The following ADAMTS6 variants were observed in gnomAD, a reference collection of about 807,000 sequenced individuals.
The protein encoded by ADAMTS6 is A disintegrin and metalloproteinase with thrombospondin motifs 6.
A neutral mutation model predicts 144.3 loss-of-function variants in ADAMTS6; 23 were observed. That is an observed-to-expected ratio of 0.16 (90% confidence interval 0.11 to 0.23). The LOEUF is 0.23. Ranked by LOEUF, ADAMTS6 falls within the 10% of genes least tolerant of loss-of-function variation. The pLI is 1.00. For synonymous variants in ADAMTS6, 444 were observed against 457.5 expected (o/e 0.97, Z 0.38); for missense variants, 999 against 1,379.6 (o/e 0.72, Z 4.37).
intron 21 of ADAMTS6, among the ~76,000 whole-genome samples, chr5:65,196,522 CAAAAAAAAAAAAAAAAA>C (rs533444182): frequency 1.1e-4 from 4 of 38,036 alleles, no homozygotes; most frequent in South Asian, 1.6e-3. Flanking sequence ...GACTCCGTCT[CAAAAAAAAAAAAAAAAA>C]AAAAAAAAAA....
intron 7 of ADAMTS6, among the ~76,000 whole-genome samples, chr5:65,336,360 TA>T (rs1747309160): frequency 6.6e-6 from 1 of 152,092 alleles, no homozygotes; most frequent in Non-Finnish European, 1.5e-5. Flanking sequence ...TAATGAATGT[TA>T]AAAATGTGTT....
chr5:65,287,855 A>G (rs1042752152), intron 11 of ADAMTS6, among the ~76,000 whole-genome samples: 3 of 152,062 alleles, frequency 2.0e-5, no homozygotes, highest in African/African-American at 7.2e-5. Flanking sequence ...TATCAACTCA[A>G]TCTGAAGTAG....
chr5:65,210,962 CA>C lies in ADAMTS6; in HGVS notation c.2575+3831del, dbSNP rs1484857065. 14 of 191,304 alleles carry C rather than the reference CA, an allele frequency of 7.3e-5. No individual in the cohort carries two copies. The East Asian group carries it at 1.6e-3, about 22-fold the overall frequency. 11.9% of individuals were successfully genotyped at this position (191,304 alleles called of 1,614,324 possible). ...ATAAAGACAATAGACTTAATGACAG[CA>C]AAAACAAAAACAAAAACAAAAAACC... On this transcript the variant is annotated intron_variant, in intron 20 of 24. Transcript: ENST00000381055.
chr5:65,458,203 G>A (rs886534241), intron 4 of ADAMTS6, among the ~76,000 whole-genome samples: 1 of 152,092 alleles, frequency 6.6e-6, no homozygotes, highest in Non-Finnish European at 1.5e-5. Flanking sequence ...TAGATTCACT[G>A]TAAGTTGTCT....
intron 12 of ADAMTS6, among the ~76,000 whole-genome samples, chr5:65,269,015 T>G (rs746665260): frequency 1.2e-4 from 18 of 152,044 alleles, no homozygotes; most frequent in Non-Finnish European, 2.9e-5. Context: ...CTGGTGAGAG[T>G]AGTTTTGAAA....
At chr5:65,201,735 T>C (rs1755752027) in intron 20 of ADAMTS6, among the ~76,000 whole-genome samples, 1 of 152,162 alleles carries the variant, frequency 6.6e-6, no homozygotes, top group Non-Finnish European at 1.5e-5. Flanking sequence ...GCACATCATA[T>C]CTACCCAAGA....
intron 7 of ADAMTS6, among the ~76,000 whole-genome samples, chr5:65,412,081 A>T (rs781342986): frequency 6.6e-6 from 1 of 152,192 alleles, no homozygotes; most frequent in Non-Finnish European, 1.5e-5. Flanking sequence ...TGTCCATTTT[A>T]TGGGTAAAGA....
chr5:65,250,281 G>A (rs762368775), intron 14 of ADAMTS6, among the ~76,000 whole-genome samples: 1 of 152,156 alleles, frequency 6.6e-6, no homozygotes, highest in Admixed American at 6.6e-5. Context: ...AGAGAGGTTA[G>A]GTGATTTGCC....
chr5:65,232,559 G>A (rs1163450153), intron 15 of ADAMTS6, among the ~76,000 whole-genome samples: 1 of 151,864 alleles, frequency 6.6e-6, no homozygotes, highest in Non-Finnish European at 1.5e-5. Context: ...CCATGAGACT[G>A]CTATGAACAC....
intron 14 of ADAMTS6, among the ~76,000 whole-genome samples, chr5:65,256,746 G>C (rs6866059): frequency 0.041 from 6,156 of 151,956 alleles, 449 homozygotes; most frequent in African/African-American, 0.14. Flanking sequence ...CTAAATGTAC[G>C]CCCAACCCTG....
chr5:65,467,879 T>C (rs192858334), intron 3 of ADAMTS6, among the ~76,000 whole-genome samples: 32 of 152,074 alleles, frequency 2.1e-4, no homozygotes, highest in African/African-American at 6.0e-4. Flanking sequence ...GAAACTAACA[T>C]CAAGAAATTA....
intron 9 of ADAMTS6, among the ~76,000 whole-genome samples, chr5:65,302,209 A>T (rs1580340648): frequency 6.9e-6 from 1 of 144,274 alleles, no homozygotes; most frequent in East Asian, 2.0e-4. Context: ...GATATTATAC[A>T]TATATTATAT....
intron 9 of ADAMTS6, among the ~76,000 whole-genome samples, chr5:65,312,705 T>C (rs1744615308): frequency 6.6e-6 from 1 of 151,994 alleles, no homozygotes. Context: ...AGTTGAAGGT[T>C]AAGTTTCCAA....
At chr5:65,292,584 T>C (rs1742428387) in intron 10 of ADAMTS6, among the ~76,000 whole-genome samples, 1 of 152,130 alleles carries the variant, frequency 6.6e-6, no homozygotes. Context: ...GTCAATGTGT[T>C]CTATAAAAAG....
chr5:65,344,688 A>T (rs1280888179), intron 7 of ADAMTS6, among the ~76,000 whole-genome samples: 1 of 151,770 alleles, frequency 6.6e-6, no homozygotes, highest in Non-Finnish European at 1.5e-5. Context: ...AAGGATTATC[A>T]TTTATATTGT....
intron 7 of ADAMTS6, among the ~76,000 whole-genome samples, chr5:65,390,270 T>C (rs1185434446): frequency 6.6e-6 from 1 of 152,202 alleles, no homozygotes; most frequent in Non-Finnish European, 1.5e-5. Flanking sequence ...AGTGTCTGAA[T>C]GTGTCAAGAT....
intron 7 of ADAMTS6, among the ~76,000 whole-genome samples, chr5:65,378,392 C>T (rs1463635316): frequency 6.6e-6 from 1 of 152,144 alleles, no homozygotes; most frequent in East Asian, 1.9e-4. Context: ...TCTCATGGTA[C>T]TAATTCAGTT....
intron 20 of ADAMTS6, among the ~76,000 whole-genome samples, chr5:65,207,330 A>C (rs942124571): frequency 6.6e-6 from 1 of 152,156 alleles, no homozygotes; most frequent in Non-Finnish European, 1.5e-5. Flanking sequence ...CAATGGCAGG[A>C]CAGACTGTAT....
intron 7 of ADAMTS6, among the ~76,000 whole-genome samples, chr5:65,432,621 C>T (rs1375314775): frequency 6.6e-6 from 1 of 151,940 alleles, no homozygotes; most frequent in Admixed American, 6.6e-5. Flanking sequence ...CCAATGCCAC[C>T]CATTATGTAA....
Sources: gnomAD v4.1 joint callset for allele counts (sites outside exome capture counted in the v4.1 genomes callset) on GRCh38, gnomAD v4.1.1 for gene constraint, MANE v1.5 for transcripts, NCBI Gene and HGNC (gene_info 2026-07-23, HGNC 2026-07-21) for gene names.